SACS: variants seen among roughly 807,000 people sequenced by gnomAD.
SACS encodes sacsin molecular chaperone, also known as sacsin.
Under a neutral mutation model 348.0 loss-of-function variants are expected in SACS, and 197 were observed. The observed-to-expected ratio is 0.57, with a 90% CI of 0.50 to 0.64. SACS has a LOEUF of 0.64. SACS is among the 30% of genes least tolerant of loss of function. The probability of loss-of-function intolerance (pLI) is 0.00; values close to 1 mark genes in which losing one functional copy is unlikely to be tolerated. For synonymous variants in SACS, 1,985 were observed against 1,910.6 expected (o/e 1.04, Z -1.02); for missense variants, 4,999 against 5,360.8 (o/e 0.93, Z 2.11).
intron 7 of SACS, among the ~76,000 whole-genome samples, chr13:23,356,943 A>G (rs530088633): frequency 6.6e-6 from 1 of 152,340 alleles, no homozygotes; most frequent in East Asian, 1.9e-4. Context: ...ATCCATGGAC[A>G]GTGGGGTCTA....
chr13:23,353,866 GGAAAAGGGACCT>G lies in SACS; in HGVS notation c.2094-2_2103del. 1 of 1,594,436 alleles carries G rather than the reference GGAAAAGGGACCT, an allele frequency of 6.3e-7. No individual in the cohort carries two copies. The highest frequency in any genetic ancestry group is 8.6e-7 in the Non-Finnish European group (1 of 1,162,316). The stretch of plus-strand genomic sequence containing the variant: ...AAAATAAATCTTCCTTCAAGACTTG[GGAAAAGGGACCT>G]GAAAAGGGAAAGGAACAGCAATCAT... On this transcript the variant is annotated splice_acceptor_variant and coding_sequence_variant, in exon 9 of 10. Transcript: ENST00000382292. LOFTEE classifies it high-confidence loss of function.
chr13:23,341,596 C>T lies in SACS; in HGVS notation c.2280G>A (p.Leu760=), dbSNP rs2137645428. Residue 760 remains leucine (L), a synonymous_variant, in exon 10 of 10, where the codon TTG becomes TTA. Transcript: ENST00000382292. ...VMNTFWPGRE[L]IVQWYPFDEN... ...CATCAAATGGATACCATTGAACAAT[C>T]AATTCTCTGCCAGGCCAGAATGTAT... The T allele has an allele frequency of 6.2e-7, 1 of 1,613,946 alleles. No homozygotes were observed.
At chr13:23,425,058 C>G (rs1193524155) in intron 1 of SACS, among the ~76,000 whole-genome samples, 1 of 152,172 alleles carries the variant, frequency 6.6e-6, no homozygotes, top group Non-Finnish European at 1.5e-5. Flanking sequence ...GTGTACACCT[C>G]AAGTCGAGTG....
intron 8 of SACS, 37 bp downstream of exon 8, chr13:23,354,482 T>C (rs372832296): frequency 1.9e-6 from 3 of 1,583,446 alleles, no homozygotes; most frequent in Admixed American, 1.7e-5. Context: ...AGGGGAACCC[T>C]AAGAGTGAAC....
At chr13:23,406,771 G>A (rs1190340530) in intron 2 of SACS, among the ~76,000 whole-genome samples, 1 of 152,092 alleles carries the variant, frequency 6.6e-6, no homozygotes, top group Non-Finnish European at 1.5e-5. Flanking sequence ...TTGCATTTAT[G>A]TAAATAATCA....
Position 23,337,312 on chromosome 13 carries a change from T to C in SACS, c.6564A>G (p.Leu2188=), listed in dbSNP as rs546403038. ...HVAACLRSSI[L]LSLIDEKLKI... is the part of the protein sequence containing the mutation. Reference sequence around the variant, plus strand: ...TTAGTTTCTCATCGATAAGACTCAATAAGATACTACTTCTTAGGCATGCAG... The same window carrying C: ...TTAGTTTCTCATCGATAAGACTCAACAAGATACTACTTCTTAGGCATGCAG... The change falls in exon 10 of 10, where the codon TTA becomes TTG. Residue 2188 remains leucine, a synonymous_variant. Transcript: ENST00000382292. 1 of 1,613,910 alleles carries C rather than the reference T, an allele frequency of 6.2e-7. No individual in the cohort carries two copies. The highest frequency in any genetic ancestry group is 1.1e-5 in the South Asian group (1 of 91,078).
intron 5 of SACS, among the ~76,000 whole-genome samples, chr13:23,367,663 C>T (rs1438080632): frequency 1.3e-5 from 2 of 152,120 alleles, no homozygotes; most frequent in East Asian, 1.9e-4. Flanking sequence ...GGCGCAATCT[C>T]GGCTCACTGC....
chr13:23,357,422 C>G (rs1870463393), intron 7 of SACS, among the ~76,000 whole-genome samples: 2 of 152,154 alleles, frequency 1.3e-5, no homozygotes, highest in African/African-American at 4.8e-5. Flanking sequence ...ATGCAACAGG[C>G]TTACTAAAAT....
Position 23,332,805 on chromosome 13 carries a change from A to G in SACS, c.11071T>C (p.Phe3691Leu), listed in dbSNP as rs1035970375. The change falls in exon 10 of 10, where the codon TTC becomes CTC. Residue 3691 changes from phenylalanine (F) to leucine (L), a missense_variant. Around this residue, in one of 6 missense-constraint regions of SACS, gnomAD observed 831 missense variants for 941.8 expected, o/e 0.88. Transcript: ENST00000382292. Reference sequence around the variant, plus strand: ...AGCTGGAGTACATCACATTGCTTGAATTTTGGATTTACCTGTGCTCCATTG... The same window carrying G: ...AGCTGGAGTACATCACATTGCTTGAGTTTTGGATTTACCTGTGCTCCATTG... ...KFNGAQVNPK[F>L]KQCDVLQLLW... is the part of the protein sequence containing the mutation. 1 of 1,613,866 alleles carries G rather than the reference A, an allele frequency of 6.2e-7. No individual in the cohort carries two copies. Among genetic ancestry groups the G allele is most frequent in the South Asian group, 1.1e-5 (1 of 91,084 alleles).
chr13:23,357,227 A>C (rs1870449482), intron 7 of SACS, among the ~76,000 whole-genome samples: 1 of 152,210 alleles, frequency 6.6e-6, no homozygotes, highest in African/African-American at 2.4e-5. Context: ...TGCTACTCAC[A>C]TCTGTGTCCC....
At chr13:23,421,591 T>C (rs1217085439) in intron 1 of SACS, among the ~76,000 whole-genome samples, 1 of 152,134 alleles carries the variant, frequency 6.6e-6, no homozygotes, top group Non-Finnish European at 1.5e-5. Context: ...GCTGTCCACC[T>C]GTGACATTGT....
chr13:23,359,273 A>G lies in SACS; in HGVS notation c.458-792T>C, dbSNP rs146886661. Reference sequence around the variant, plus strand: ...TGTCAATTTGTTTTAATATATAACCATTTTACTATACACACACACATATAT... The same window carrying G: ...TGTCAATTTGTTTTAATATATAACCGTTTTACTATACACACACACATATAT... On this transcript the variant is annotated intron_variant, in intron 6 of 9. Transcript: ENST00000382292. 6.9e-3 allele frequency among the ~76,000 whole-genome samples: 1,058 copies of G among 152,318 alleles called. 13 individuals are homozygous for G. The highest frequency in any genetic ancestry group is 0.023 in the African/African-American group (967 of 41,566).
chr13:23,344,481 T>C (rs1388046727), intron 9 of SACS, among the ~76,000 whole-genome samples: 1 of 152,018 alleles, frequency 6.6e-6, no homozygotes, highest in Admixed American at 6.6e-5. Context: ...AGAGAGAAAA[T>C]GTAGTAAGAC....
chr13:23,411,356 C>A lies in SACS; in HGVS notation c.-117G>T, dbSNP rs1873474125. ...TGTACTCCAAGTTCAGCTCTTCCTG[C>A]CAGGTGGAAAAAAAGCCTGTTTTTC... On this transcript the variant is annotated 5_prime_UTR_variant, in exon 2 of 10. Coordinates refer to ENST00000382292, the MANE Select transcript of SACS (RefSeq NM_014363.6). 4 of 948,564 alleles carry A rather than the reference C, an allele frequency of 4.2e-6. No individual in the cohort carries two copies. The highest frequency in any genetic ancestry group is 6.8e-6 in the Non-Finnish European group (4 of 589,096). 58.8% of individuals were successfully genotyped at this position (948,564 alleles called of 1,614,324 possible).
intron 2 of SACS, among the ~76,000 whole-genome samples, chr13:23,375,744 C>A (rs1871761730): frequency 6.6e-6 from 1 of 151,790 alleles, no homozygotes; most frequent in African/African-American, 2.4e-5. Context: ...AAGGAGCCGC[C>A]CCGCCCCACT....
intron 1 of SACS, among the ~76,000 whole-genome samples, chr13:23,416,943 A>T (rs1029713591): frequency 6.6e-6 from 1 of 152,144 alleles, no homozygotes; most frequent in Non-Finnish European, 1.5e-5. Flanking sequence ...GAACAAAACC[A>T]TCACTATTCA....
At chr13:23,367,020 G>C (rs573728163) in intron 5 of SACS, among the ~76,000 whole-genome samples, 3 of 152,186 alleles carry the variant, frequency 2.0e-5, no homozygotes, top group Admixed American at 2.0e-4. Flanking sequence ...CAGAAGGCGC[G>C]TAGCCCTCAG....
chr13:23,336,199 T>C lies in SACS; in HGVS notation c.7677A>G (p.Thr2559=). The change falls in exon 10 of 10, where the codon ACA becomes ACG. Residue 2559 remains threonine, a synonymous_variant. Transcript: ENST00000382292. The part of the protein sequence containing the change: ...LLQNADDAKA[T]EICFVFDPRQ... ...TAGGATCAAACACAAAACAGATTTCTGTCGCCTTTGCATCATCAGCATTTT... is the reference window on the plus strand; with the variant it reads ...TAGGATCAAACACAAAACAGATTTCCGTCGCCTTTGCATCATCAGCATTTT... 1 of 1,614,106 alleles carries C rather than the reference T, an allele frequency of 6.2e-7. No individual in the cohort carries two copies. The highest frequency in any genetic ancestry group is 8.5e-7 in the Non-Finnish European group (1 of 1,179,958).
At chr13:23,353,478 G>C (rs984823565) in intron 9 of SACS, among the ~76,000 whole-genome samples, 3 of 152,168 alleles carry the variant, frequency 2.0e-5, no homozygotes, top group Non-Finnish European at 4.4e-5. Context: ...GTTATGCTGG[G>C]AGGCTCAAAT....
Sources: gnomAD v4.1 joint callset for allele counts (sites outside exome capture counted in the v4.1 genomes callset) on GRCh38, gnomAD v4.1.1 for gene constraint, gnomAD v4.1.1 regional missense constraint, MANE v1.5 for transcripts, NCBI Gene and HGNC (gene_info 2026-07-23, HGNC 2026-07-21) for gene names.